PRAMEF11: variants seen among roughly 807,000 people sequenced by gnomAD.
The protein encoded by PRAMEF11 is PRAME family member 11.
In PRAMEF11, 17 loss-of-function variants were observed where a neutral mutation model predicts 33.6. The observed-to-expected ratio is 0.51, with a 90% CI of 0.35 to 0.76. The LOEUF is 0.76. PRAMEF11 is among the 30% of genes least tolerant of loss of function. The pLI is 0.01. For missense variants in PRAMEF11, 568 were observed against 567.0 expected (o/e 1.00, Z -0.02); for synonymous variants, 205 against 227.3 (o/e 0.90, Z 0.88).
chr1:12,831,169 C>A (rs1303111158), intron 1 of PRAMEF11, among the ~76,000 whole-genome samples, 187 bp downstream of exon 1: 1 of 150,390 alleles, frequency 6.6e-6, no homozygotes, highest in African/African-American at 2.4e-5. Flanking sequence ...AACCAAAGCA[C>A]AATCAACTTT....
At chr1:12,826,920 CT>C (rs1453424400) in intron 3 of PRAMEF11, among the ~76,000 whole-genome samples, 6 of 151,310 alleles carry the variant, frequency 4.0e-5, no homozygotes, top group Non-Finnish European at 8.8e-5. Flanking sequence ...GCCAACGCCC[CT>C]GGCCTATTTT....
chr1:12,828,355 C>T (rs1461257339), intron 2 of PRAMEF11, 142 bp downstream of exon 2: 2 of 1,410,720 alleles, frequency 1.4e-6, no homozygotes, highest in Admixed American at 4.4e-5. Flanking sequence ...CAGTGCTTTC[C>T]CTGAGGAGCT....
intron 2 of PRAMEF11, 79 bp downstream of exon 2, chr1:12,828,418 C>G (rs1393282486): frequency 1.2e-5 from 17 of 1,478,212 alleles, no homozygotes; most frequent in Non-Finnish European, 1.5e-5. Flanking sequence ...CCCCTTGGGC[C>G]TCCTCACTTC....
At position 12,824,726 on chromosome 1, in the gene PRAMEF11, C is replaced by A. The variant is rs1179840631; in HGVS notation, c.*216G>T. 4.3e-6 allele frequency: 3 copies of A among 698,238 alleles called. No homozygotes were observed. The highest frequency in any genetic ancestry group is 3.1e-5 in the Admixed American group (1 of 31,784). 43.3% of individuals were successfully genotyped at this position (698,238 alleles called of 1,614,324 possible). A position where few individuals can be genotyped will look rare whatever the true frequency, so the allele number is the denominator to read the frequency against. On this transcript the variant is annotated 3_prime_UTR_variant, in exon 4 of 4. Transcript: ENST00000619922. ...TAGACATTCAGATTCCCATTTTCGA[C>A]TCTACAGGATACAGGTTCCCAAAGT...
In PRAMEF11 at chr1:12,825,207, G is replaced by A. The variant is rs1216993303; in HGVS notation, c.1172C>T (p.Pro391Leu). 6.2e-7 allele frequency: 1 copy of A among 1,607,830 alleles called. No individual in the cohort carries two copies. Among genetic ancestry groups the A allele is most frequent in the Non-Finnish European group, 8.5e-7 (1 of 1,177,628 alleles). ...ELNTFSFCGN[P>L]ICMATLENLL... The stretch of plus-strand genomic sequence containing the variant: ...GTTCTCCAGGGTGGCCATGCAGATG[G>A]GATTTCCACAGAAGCTGAAGGTGTT... The change falls in exon 4 of 4, where the codon CCC becomes CTC. Residue 391 changes from proline to leucine, a missense_variant. This residue lies in a region of PRAMEF11 where 174 missense variants were observed against 127.2 expected (regional missense o/e 1.37). Coordinates refer to ENST00000619922, the MANE Select transcript of PRAMEF11 (RefSeq NM_001146344.3).
At position 12,825,499 on chromosome 1, in the gene PRAMEF11, G is replaced by C; in HGVS notation, c.880C>G (p.Leu294Val). Residue 294 changes from leucine (L) to valine (V), a missense_variant, in exon 4 of 4, where the codon CTG becomes GTG. Around this residue, in one of 3 missense-constraint regions of PRAMEF11, gnomAD observed 52 missense variants for 127.8 expected, o/e 0.41. Transcript: ENST00000619922. Reference sequence around the variant, plus strand: ...GTGAGGACCTTTAACGAGGTCTTCAGACAGCTGGGGAGAGAGAGCAAGAAG... The same window carrying C: ...GTGAGGACCTTTAACGAGGTCTTCACACAGCTGGGGAGAGAGAGCAAGAAG... ...EGHLDQLLSC[L>V]KTSLKVLTIT... 3 of 904,964 alleles carry C rather than the reference G, an allele frequency of 3.3e-6. No homozygotes were observed. The highest frequency in any genetic ancestry group is 3.4e-5 in the South Asian group (2 of 58,776). The allele number at this position is 904,964 out of a possible 1,614,324, so 56.1% of individuals were successfully genotyped here.
At chr1:12,830,373 G>C (rs112796203) in intron 1 of PRAMEF11, among the ~76,000 whole-genome samples, 2 of 151,164 alleles carry the variant, frequency 1.3e-5, no homozygotes, top group East Asian at 2.0e-4. Flanking sequence ...CTGTTACCTC[G>C]GCCTCCAAGA....
chr1:12,830,680 G>A lies in PRAMEF11; in HGVS notation c.-17+676C>T, dbSNP rs796683446. On this transcript the variant is annotated intron_variant, in intron 1 of 3. Transcript: ENST00000619922. ...ACTACAGATGCATGTCACCATGCTC[G>A]GCTAATTAAAAAAAAAAAAAGTAGA... 7.3e-5 allele frequency among the ~76,000 whole-genome samples: 11 copies of A among 149,684 alleles called. 1 individual carries two copies. The South Asian group carries it at 1.8e-3, about 24-fold the overall frequency.
rs567864983 is a variant in PRAMEF11, at chr1:12,825,156, T to C, written c.1223A>G (p.Lys408Arg). The C allele has an allele frequency of 2.2e-5, 35 of 1,608,882 alleles. No homozygotes were observed. The highest frequency in any genetic ancestry group is 1.3e-4 in the Admixed American group (8 of 59,618). Residue 408 changes from lysine (K) to arginine (R), a missense_variant, in exon 4 of 4, where the codon AAA (lysine) becomes AGA (arginine). By Grantham distance (26) the Lys-to-Arg change is conservative. Transcript: ENST00000619922. ...ENLLSHTIIL[K>R]NLCLELYPAP... ...AGGATACAGCTCCAGGCATAAGTTT[T>C]TGAGTATGATTGTGTGGCTCAGCAG...
At position 12,831,154 on chromosome 1, in the gene PRAMEF11, A is replaced by G. The variant is rs867839380; in HGVS notation, c.-17+202T>C. Among the ~76,000 whole-genome samples, 19 of 151,330 alleles carry G rather than the reference A, an allele frequency of 1.3e-4. 1 individual carries two copies. Among genetic ancestry groups the G allele is most frequent in the African/African-American group, 4.4e-4 (18 of 41,344 alleles). ...TGCTCCCTTCAAGAATTTTGAAATGACATCAACCAAAGCACAATCAACTTT... is the reference window on the plus strand; with the variant it reads ...TGCTCCCTTCAAGAATTTTGAAATGGCATCAACCAAAGCACAATCAACTTT... On this transcript the variant is annotated intron_variant, in intron 1 of 3. Coordinates refer to ENST00000619922, the MANE Select transcript of PRAMEF11 (RefSeq NM_001146344.3).
In PRAMEF11 at chr1:12,825,425, C is replaced by T; in HGVS notation, c.954G>A (p.Gln318=). ...LLESDLKHLS[Q]CPSISQLKTL... ...TCTTTAGTTGACTGATACTCGGGCA[C>T]TGGGATAGATGCTTCAAGTCTGATT... The change falls in exon 4 of 4, where the codon CAG becomes CAA. Residue 318 remains glutamine, a synonymous_variant. Transcript: ENST00000619922. 2.6e-6 allele frequency: 3 copies of T among 1,151,950 alleles called. No individual in the cohort carries two copies. Among genetic ancestry groups the T allele is most frequent in the Non-Finnish European group, 3.7e-6 (3 of 814,344 alleles). The allele number at this position is 1,151,950 out of a possible 1,614,324, so 71.4% of individuals were successfully genotyped here. A position where few individuals can be genotyped will look rare whatever the true frequency, so the allele number is the denominator to read the frequency against.
intron 3 of PRAMEF11, among the ~76,000 whole-genome samples, 157 bp downstream of exon 3, chr1:12,827,092 A>T (rs868415808): frequency 6.6e-6 from 1 of 151,286 alleles, no homozygotes; most frequent in Admixed American, 6.6e-5. Context: ...CATGATACCC[A>T]TTTCAGGACA....
intron 1 of PRAMEF11, 70 bp from the exon 2 acceptor site, chr1:12,828,875 A>T: frequency 6.3e-7 from 1 of 1,596,540 alleles, no homozygotes; most frequent in South Asian, 1.1e-5. Flanking sequence ...ATCTTCTCCC[A>T]GGGCCAAAGT....
chr1:12,829,758 A>C (rs1639967653), intron 1 of PRAMEF11, among the ~76,000 whole-genome samples: 1 of 150,934 alleles, frequency 6.6e-6, no homozygotes, highest in Non-Finnish European at 1.5e-5. Flanking sequence ...CTGTAGTCCA[A>C]GCTAATAGGG....
intron 3 of PRAMEF11, among the ~76,000 whole-genome samples, chr1:12,826,454 A>G (rs1427044296): frequency 6.6e-6 from 1 of 151,238 alleles, no homozygotes; most frequent in African/African-American, 2.4e-5. Context: ...CCTACTTCAC[A>G]TCATCTTCTT....
chr1:12,829,114 T>C (rs1215282875), intron 1 of PRAMEF11, among the ~76,000 whole-genome samples: 1 of 150,530 alleles, frequency 6.6e-6, no homozygotes, highest in African/African-American at 2.4e-5. Context: ...GGGAAATTAT[T>C]AATTACTTAA....
At chr1:12,828,079 G>A (rs1252089978) in intron 2 of PRAMEF11, among the ~76,000 whole-genome samples, 7 of 149,594 alleles carry the variant, frequency 4.7e-5, no homozygotes, top group African/African-American at 4.9e-5. Flanking sequence ...TCTTCTTCCC[G>A]GGTTCAAATG....
At position 12,825,153 on chromosome 1, in the gene PRAMEF11, T is replaced by C. The variant is rs749802084; in HGVS notation, c.1226A>G (p.Asn409Ser). The change falls in exon 4 of 4, where the codon AAC becomes AGC. Residue 409 changes from asparagine (N) to serine (S), a missense_variant. Around this residue, in one of 3 missense-constraint regions of PRAMEF11, gnomAD observed 174 missense variants for 127.2 expected, o/e 1.37. Transcript: ENST00000619922. The stretch of plus-strand genomic sequence containing the variant: ...GGCAGGATACAGCTCCAGGCATAAG[T>C]TTTTGAGTATGATTGTGTGGCTCAG... Reference protein sequence around the residue: ...NLLSHTIILKNLCLELYPAPQ... With the variant: ...NLLSHTIILKSLCLELYPAPQ... 1.9e-6 allele frequency: 3 copies of C among 1,608,868 alleles called. No homozygotes were observed. In the South Asian group the frequency reaches 3.3e-5, roughly 18 times the overall value.
intron 2 of PRAMEF11, 41 bp from the exon 3 acceptor site, chr1:12,827,871 A>G (rs200860858): frequency 6.2e-7 from 1 of 1,600,714 alleles, no homozygotes; most frequent in Non-Finnish European, 8.5e-7. Flanking sequence ...TTAAGAACTC[A>G]TTTCTGAACT....
Sources: allele counts gnomAD v4.1 joint callset (sites outside exome capture counted in the v4.1 genomes callset), GRCh38; gene constraint gnomAD v4.1.1; regional missense constraint gnomAD v4.1.1; transcripts MANE v1.5; gene names NCBI Gene and HGNC (gene_info 2026-07-23, HGNC 2026-07-21).